Variants in SDCCAG8 observed in about 807,000 individuals in gnomAD.
SDCCAG8 encodes the protein serologically defined colon cancer antigen 8.
A neutral mutation model predicts 101.8 loss-of-function variants in SDCCAG8; 74 were observed. The ratio of observed to expected loss-of-function variants is 0.73; its 90% CI spans 0.60 to 0.88. SDCCAG8 has a LOEUF of 0.88. Among genes scored for constraint, SDCCAG8 ranks in the 40% least tolerant of loss-of-function variants. SDCCAG8 has a pLI of 0.00. For synonymous variants in SDCCAG8, 281 were observed against 292.9 expected (o/e 0.96, Z 0.41); for missense variants, 787 against 822.6 (o/e 0.96, Z 0.53).
intron 8 of SDCCAG8, 60 bp from the exon 9 acceptor site, chr1:243,316,695 C>A: frequency 1.2e-5 from 19 of 1,606,822 alleles, no homozygotes; most frequent in Non-Finnish European, 1.6e-5. Context: ...CTCTCCCTGA[C>A]TTATGAGGAC....
At chr1:243,277,129 T>C (rs1275922619) in intron 4 of SDCCAG8, among the ~76,000 whole-genome samples, 1 of 152,236 alleles carries the variant, frequency 6.6e-6, no homozygotes, top group African/African-American at 2.4e-5. Context: ...TCAGTTTTTG[T>C]GTGGACATCT....
intron 13 of SDCCAG8, among the ~76,000 whole-genome samples, chr1:243,404,512 CTT>C (rs2079621847): frequency 6.6e-6 from 1 of 152,100 alleles, no homozygotes; most frequent in Non-Finnish European, 1.5e-5. Flanking sequence ...AAGAAAGTGA[CTT>C]AATTATTGTA....
intron 6 of SDCCAG8, among the ~76,000 whole-genome samples, chr1:243,298,608 T>G (rs1207680049): frequency 2.0e-5 from 3 of 152,130 alleles, no homozygotes; most frequent in African/African-American, 7.2e-5. Flanking sequence ...CAAGCTACCA[T>G]GCCTGGCCTA....
chr1:243,392,608 T>G (rs1006374457), intron 13 of SDCCAG8, among the ~76,000 whole-genome samples: 7 of 152,198 alleles, frequency 4.6e-5, no homozygotes, highest in Non-Finnish European at 7.4e-5. Context: ...CCATCTACAG[T>G]GAAAATCGAG....
intron 17 of SDCCAG8, among the ~76,000 whole-genome samples, chr1:243,495,237 C>T (rs1667502345): frequency 6.6e-6 from 1 of 152,228 alleles, no homozygotes; most frequent in African/African-American, 2.4e-5. Flanking sequence ...CCTCCCTGGC[C>T]TGTGCGGGGC....
At chr1:243,460,057 T>C (rs1658759796) in intron 16 of SDCCAG8, among the ~76,000 whole-genome samples, 1 of 152,234 alleles carries the variant, frequency 6.6e-6, no homozygotes, top group Non-Finnish European at 1.5e-5. Flanking sequence ...TTTTTAAGGC[T>C]TTCTCTGCCT....
intron 7 of SDCCAG8, chr1:243,307,708 AAGAGAGCC>A (rs1410832887): frequency 7.5e-7 from 1 of 1,333,042 alleles, no homozygotes; most frequent in East Asian, 3.2e-5. Context: ...ATCCTGGGAC[AAGAGAGCC>A]AGTGTCAGGC....
intron 12 of SDCCAG8, among the ~76,000 whole-genome samples, chr1:243,348,630 G>C (rs996991169): frequency 6.6e-6 from 1 of 151,990 alleles, no homozygotes; most frequent in Admixed American, 6.5e-5. Context: ...GGAAAGATGA[G>C]ACCACATACA....
intron 16 of SDCCAG8, among the ~76,000 whole-genome samples, chr1:243,444,182 A>G (rs1259589687): frequency 6.6e-6 from 1 of 152,180 alleles, no homozygotes; most frequent in Non-Finnish European, 1.5e-5. Context: ...TTAATTAATA[A>G]TTAAAATGAA....
chr1:243,363,750 A>G (rs1339245624), intron 12 of SDCCAG8, among the ~76,000 whole-genome samples: 1 of 152,218 alleles, frequency 6.6e-6, no homozygotes, highest in Non-Finnish European at 1.5e-5. Context: ...ATCACAGCAT[A>G]TAAATTCAGT....
intron 6 of SDCCAG8, among the ~76,000 whole-genome samples, chr1:243,300,718 T>C (rs1357609070): frequency 6.6e-6 from 1 of 152,206 alleles, no homozygotes; most frequent in Non-Finnish European, 1.5e-5. Flanking sequence ...AATCTTAACA[T>C]TTCCTCTGTG....
intron 9 of SDCCAG8, among the ~76,000 whole-genome samples, chr1:243,328,528 C>T (rs1186048337): frequency 6.6e-6 from 1 of 152,196 alleles, no homozygotes; most frequent in African/African-American, 2.4e-5. Context: ...CCACCCGCCT[C>T]AGCCTTCCAA....
At chr1:243,304,998 G>C in intron 7 of SDCCAG8, 1 of 532,150 alleles carries the variant, frequency 1.9e-6, no homozygotes, top group Non-Finnish European at 3.3e-6. Context: ...TAAAATATTT[G>C]TGTTTTCTTG....
At chr1:243,445,024 A>AT (rs1295467663) in intron 16 of SDCCAG8, among the ~76,000 whole-genome samples, 1 of 152,080 alleles carries the variant, frequency 6.6e-6, no homozygotes, top group African/African-American at 2.4e-5. Context: ...TTACTTTTAT[A>AT]TTTTCTTCTT....
intron 1 of SDCCAG8, chr1:243,267,242 TAA>T (rs36005780): frequency 2.4e-3 from 390 of 162,696 alleles, no homozygotes; most frequent in South Asian, 5.4e-3. Flanking sequence ...GACTCCGTCT[TAA>T]AAAAAAAAAA....
At chr1:243,385,495 C>T (rs1049280816) in intron 13 of SDCCAG8, among the ~76,000 whole-genome samples, 1 of 152,118 alleles carries the variant, frequency 6.6e-6, no homozygotes, top group Non-Finnish European at 1.5e-5. Flanking sequence ...GGGGGAGAGA[C>T]AGATTACTTC....
chr1:243,375,124 G>T (rs1412631995), intron 12 of SDCCAG8, among the ~76,000 whole-genome samples: 1 of 152,108 alleles, frequency 6.6e-6, no homozygotes, highest in East Asian at 1.9e-4. Context: ...ATGGGAGCAT[G>T]AGGTGGGTAT....
intron 16 of SDCCAG8, among the ~76,000 whole-genome samples, chr1:243,485,734 T>C (rs1574334373): frequency 6.6e-6 from 1 of 150,944 alleles, no homozygotes; most frequent in East Asian, 2.0e-4. Context: ...TGAAACCCTG[T>C]CTCTACGAAA....
chr1:243,430,994 C>T (rs1008126927), intron 16 of SDCCAG8, among the ~76,000 whole-genome samples: 15 of 151,470 alleles, frequency 9.9e-5, no homozygotes, highest in South Asian at 2.1e-4. Flanking sequence ...GTCAGGAGTT[C>T]GAGACCAGCC....
Sources: gnomAD v4.1 joint callset for allele counts (sites outside exome capture counted in the v4.1 genomes callset) on GRCh38, gnomAD v4.1.1 for gene constraint, MANE v1.5 for transcripts, NCBI Gene and HGNC (gene_info 2026-07-23, HGNC 2026-07-21) for gene names.